MAGI2: variants seen among roughly 807,000 people sequenced by gnomAD.
MAGI2 encodes membrane associated guanylate kinase, WW and PDZ domain containing 2, also known as membrane-associated guanylate kinase, WW and PDZ domain-containing protein 2.
MAGI2 carries 35 observed loss-of-function variants against 133.3 expected under a neutral mutation model. That is an observed-to-expected ratio of 0.26 (90% CI 0.20 to 0.35). The LOEUF (loss-of-function observed/expected upper bound fraction) is 0.35, where lower values mean the gene tolerates loss of function less well. Ranked by LOEUF, MAGI2 falls within the 10% of genes least tolerant of loss-of-function variation. The pLI is 1.00. For synonymous variants in MAGI2, 729 were observed against 710.6 expected, an observed-to-expected ratio of 1.03 and a Z score of -0.41; for missense variants, 1,636 against 1,863.4, an observed-to-expected ratio of 0.88 and a Z score of 2.25.
chr7:78,884,927 C>A (rs7790077), intron 2 of MAGI2, among the ~76,000 whole-genome samples: 9,270 of 152,190 alleles, frequency 0.061, 336 homozygotes, highest in Middle Eastern at 0.11. Flanking sequence ...CCTAGGTGCC[C>A]ATTAATGGTG....
intron 3 of MAGI2, among the ~76,000 whole-genome samples, chr7:78,545,186 C>G (rs1480946928): frequency 3.4e-5 from 5 of 149,148 alleles, no homozygotes; most frequent in African/African-American, 9.9e-5. Context: ...TTGAGTCATG[C>G]CAAATAATCT....
intron 2 of MAGI2, chr7:78,939,777 A>G (rs1054487197): frequency 8.5e-5 from 13 of 152,184 alleles, no homozygotes; most frequent in East Asian, 1.9e-4. Context: ...TGCATCTAAC[A>G]TCAGCTCAGA....
At chr7:78,740,742 T>C (rs978800361) in intron 2 of MAGI2, among the ~76,000 whole-genome samples, 35 of 152,224 alleles carry the variant, frequency 2.3e-4, no homozygotes, top group African/African-American at 8.2e-4. Flanking sequence ...TTATGTTCTT[T>C]ATCTGACAGA....
chr7:78,477,551 G>C (rs1791903142), intron 6 of MAGI2, among the ~76,000 whole-genome samples: 1 of 151,814 alleles, frequency 6.6e-6, no homozygotes, highest in Non-Finnish European at 1.5e-5. Context: ...GATGAAGGAA[G>C]AGCAAAGGGG....
intron 1 of MAGI2, among the ~76,000 whole-genome samples, chr7:79,094,562 G>A (rs1160126084): frequency 2.0e-5 from 3 of 152,120 alleles, no homozygotes; most frequent in Admixed American, 6.5e-5. Context: ...CTTTGCCCAG[G>A]TCCATTAATG....
intron 1 of MAGI2, among the ~76,000 whole-genome samples, chr7:79,177,878 G>T (rs1263030407): frequency 6.6e-6 from 1 of 152,018 alleles, no homozygotes; most frequent in African/African-American, 2.4e-5. Flanking sequence ...GTTTTGTAAT[G>T]CTTGCTATTT....
chr7:79,322,986 G>A (rs1839313104), intron 1 of MAGI2, among the ~76,000 whole-genome samples: 2 of 151,948 alleles, frequency 1.3e-5, no homozygotes, highest in Non-Finnish European at 1.5e-5. Context: ...CTGCACGCAT[G>A]CACCATTACT....
chr7:78,392,043 G>T (rs975642572), intron 6 of MAGI2, among the ~76,000 whole-genome samples: 1 of 152,018 alleles, frequency 6.6e-6, no homozygotes, highest in East Asian at 1.9e-4. Flanking sequence ...CAGACACATC[G>T]TTTCGACTCT....
At chr7:79,344,775 G>C (rs534014916) in intron 1 of MAGI2, among the ~76,000 whole-genome samples, 1 of 152,146 alleles carries the variant, frequency 6.6e-6, no homozygotes, top group Admixed American at 6.6e-5. Context: ...TTAGGGAACA[G>C]GGTAATATAA....
intron 2 of MAGI2, among the ~76,000 whole-genome samples, chr7:78,975,049 T>G (rs961988218): frequency 6.6e-6 from 1 of 151,534 alleles, no homozygotes; most frequent in Non-Finnish European, 1.5e-5. Context: ...TTAATATAAA[T>G]GAAAGGAGAA....
rs146698078 is a variant in MAGI2 at position 78,213,121 on chromosome 7, T to G, written c.2048-11928A>C. On this transcript the variant is annotated intron_variant, in intron 10 of 21. Coordinates refer to ENST00000354212, the MANE Select transcript of MAGI2 (RefSeq NM_012301.4). Reference sequence around the variant, plus strand: ...TAGTGCTTTATAAATTACCAGAATATGCCTAAGTGTTAATTTGTTTTCATC... The same window carrying G: ...TAGTGCTTTATAAATTACCAGAATAGGCCTAAGTGTTAATTTGTTTTCATC... Among the ~76,000 whole-genome samples the G allele has an allele frequency of 2.0e-4, 30 of 152,358 alleles. No homozygotes were observed. The East Asian group carries it at 4.2e-3, about 22-fold the overall frequency.
At chr7:78,081,055 T>C (rs1244074283) in intron 20 of MAGI2, among the ~76,000 whole-genome samples, 1 of 152,204 alleles carries the variant, frequency 6.6e-6, no homozygotes, top group African/African-American at 2.4e-5. Context: ...CCTGTACACA[T>C]ACTGCTGTTC....
intron 2 of MAGI2, among the ~76,000 whole-genome samples, chr7:78,916,757 G>A (rs557206923): frequency 9.9e-5 from 15 of 152,134 alleles, no homozygotes; most frequent in African/African-American, 3.4e-4. Flanking sequence ...AAAAAAAGAA[G>A]TGAAGTTAGA....
At chr7:78,857,541 A>G (rs930525285) in intron 2 of MAGI2, among the ~76,000 whole-genome samples, 7 of 152,176 alleles carry the variant, frequency 4.6e-5, no homozygotes, top group Non-Finnish European at 1.0e-4. Context: ...TTCTGTTTAT[A>G]TGATGCATTA....
At chr7:78,672,815 A>C (rs1288724999) in intron 2 of MAGI2, among the ~76,000 whole-genome samples, 2 of 152,178 alleles carry the variant, frequency 1.3e-5, no homozygotes, top group Admixed American at 6.5e-5. Flanking sequence ...ATTCTGATGC[A>C]TGCCAATGTT....
intron 6 of MAGI2, among the ~76,000 whole-genome samples, chr7:78,443,919 G>A (rs1787872338): frequency 6.6e-6 from 1 of 152,054 alleles, no homozygotes; most frequent in South Asian, 2.1e-4. Flanking sequence ...TATAGAAGGA[G>A]TAGTTGTGGG....
At chr7:78,614,304 A>AG (rs934973453) in intron 3 of MAGI2, 1 of 150,966 alleles carries the variant, frequency 6.6e-6, no homozygotes, top group Non-Finnish European at 1.5e-5. Flanking sequence ...AAAAAAAAAA[A>AG]GAAGCAGAGA....
chr7:78,288,450 T>G (rs971681387), intron 9 of MAGI2, among the ~76,000 whole-genome samples: 1 of 152,184 alleles, frequency 6.6e-6, no homozygotes, highest in Non-Finnish European at 1.5e-5. Context: ...GCTTTCTCCT[T>G]CCCTAGGTTC....
chr7:78,149,423 T>C (rs1823645441), intron 16 of MAGI2, among the ~76,000 whole-genome samples: 1 of 152,200 alleles, frequency 6.6e-6, no homozygotes, highest in Non-Finnish European at 1.5e-5. Flanking sequence ...GAGGTCTGCT[T>C]TAAAGCTTGT....
Sources: gnomAD v4.1 joint callset for allele counts (sites outside exome capture counted in the v4.1 genomes callset) on GRCh38, gnomAD v4.1.1 for gene constraint, MANE v1.5 for transcripts, NCBI Gene and HGNC (gene_info 2026-07-23, HGNC 2026-07-21) for gene names.